BNC2: variants seen among roughly 807,000 people sequenced by gnomAD.
BNC2 encodes basonuclin zinc finger protein 2.
Under a neutral mutation model 76.3 loss-of-function variants are expected in BNC2, and 20 were observed. That is an observed-to-expected ratio of 0.26 (90% CI 0.18 to 0.38). The LOEUF (loss-of-function observed/expected upper bound fraction) is 0.38. Ranked by LOEUF, BNC2 falls within the 10% of genes least tolerant of loss-of-function variation. BNC2 has a pLI of 1.00. For synonymous variants in BNC2, 582 were observed against 514.8 expected (o/e 1.13, Z -1.77); for missense variants, 1,382 against 1,399.8 (o/e 0.99, Z 0.20).
intron 1 of BNC2, among the ~76,000 whole-genome samples, chr9:16,835,341 G>T (rs1381424621): frequency 6.6e-6 from 1 of 152,130 alleles, no homozygotes; most frequent in Middle Eastern, 3.2e-3. Context: ...AACCCCATGA[G>T]TTAGGTACCA....
chr9:16,512,904 G>GT (rs887085842), intron 5 of BNC2, among the ~76,000 whole-genome samples: 1 of 121,074 alleles, frequency 8.3e-6, no homozygotes, highest in African/African-American at 3.5e-5. Flanking sequence ...GGGAGGCTGA[G>GT]GGGGGAAGAT....
intron 1 of BNC2, among the ~76,000 whole-genome samples, chr9:16,823,188 T>C (rs776457749): frequency 1.3e-5 from 2 of 152,212 alleles, no homozygotes; most frequent in Non-Finnish European, 2.9e-5. Flanking sequence ...AAACAAACAG[T>C]ACTCTTATTA....
chr9:16,703,098 C>T (rs1823562482), intron 3 of BNC2, among the ~76,000 whole-genome samples: 1 of 151,996 alleles, frequency 6.6e-6, no homozygotes, highest in Non-Finnish European at 1.5e-5. Flanking sequence ...TGGAGTAATT[C>T]CACTCTTCCC....
intron 1 of BNC2, among the ~76,000 whole-genome samples, chr9:16,796,020 G>A (rs868719994): frequency 1.1e-4 from 17 of 152,242 alleles, no homozygotes; most frequent in African/African-American, 3.6e-4. Context: ...GACAATTTAC[G>A]CAGTCTCAAA....
chr9:16,526,601 A>G (rs1191980625), intron 5 of BNC2, among the ~76,000 whole-genome samples: 1 of 151,014 alleles, frequency 6.6e-6, no homozygotes, highest in Non-Finnish European at 1.5e-5. Flanking sequence ...GTCACTCACT[A>G]AAAGGGTAAA....
At position 16,649,272 on chromosome 9, in the gene BNC2, G is replaced by T. The variant is rs541614340; in HGVS notation, c.331-66187C>A. Among the ~76,000 whole-genome samples the T allele has an allele frequency of 4.6e-5, 7 of 152,286 alleles. No homozygotes were observed. In the South Asian group the frequency reaches 1.5e-3, roughly 32 times the overall value. ...CCACCTGAACCACCCAGTGTTTTGA[G>T]AGGCCAGTGGTCTGCAGCTGACCAA... is the stretch of plus-strand genomic sequence containing the variant. On this transcript the variant is annotated intron_variant, in intron 3 of 6. Coordinates refer to ENST00000380672, the MANE Select transcript of BNC2 (RefSeq NM_017637.6).
chr9:16,624,528 G>A (rs1360380081), intron 3 of BNC2, among the ~76,000 whole-genome samples: 1 of 152,118 alleles, frequency 6.6e-6, no homozygotes, highest in African/African-American at 2.4e-5. Flanking sequence ...GGTCACTTGA[G>A]TCGTCTGCTG....
At position 16,864,991 on chromosome 9, in the gene BNC2, T is replaced by C. The variant is rs115682238; in HGVS notation, c.3+5655A>G. Among the ~76,000 whole-genome samples, 1,113 of 145,760 alleles carry C rather than the reference T, an allele frequency of 7.6e-3. 10 individuals carry two copies. The highest frequency in any genetic ancestry group is 0.026 in the African/African-American group (1,034 of 39,082). Reference sequence around the variant, plus strand: ...TCACAATATTTAAAACAGCTTGCTATACACAGAGGCTTTTGTGTCTGGGTA... The same window carrying C: ...TCACAATATTTAAAACAGCTTGCTACACACAGAGGCTTTTGTGTCTGGGTA... On this transcript the variant is annotated intron_variant, in intron 1 of 6. Transcript: ENST00000380672.
At chr9:16,822,938 G>A (rs1818374249) in intron 1 of BNC2, among the ~76,000 whole-genome samples, 1 of 152,034 alleles carries the variant, frequency 6.6e-6, no homozygotes, top group Non-Finnish European at 1.5e-5. Context: ...ATATTATTTA[G>A]GAAGTGCCCC....
intron 5 of BNC2, among the ~76,000 whole-genome samples, chr9:16,526,913 G>A (rs771935043): frequency 3.9e-5 from 6 of 152,144 alleles, no homozygotes; most frequent in Non-Finnish European, 7.3e-5. Context: ...AGAAATAAAC[G>A]AAAACTGCCA....
chr9:16,817,170 AC>A (rs1352372063), intron 1 of BNC2, among the ~76,000 whole-genome samples: 1 of 152,130 alleles, frequency 6.6e-6, no homozygotes, highest in Admixed American at 6.5e-5. Flanking sequence ...GGTAACAAAC[AC>A]CCTTACTCAG....
intron 5 of BNC2, among the ~76,000 whole-genome samples, chr9:16,495,917 T>C (rs984402077): frequency 4.0e-5 from 6 of 151,880 alleles, no homozygotes; most frequent in African/African-American, 1.4e-4. Flanking sequence ...TTTTCTTTTT[T>C]TTTTTTTTAA....
intron 1 of BNC2, among the ~76,000 whole-genome samples, chr9:16,824,911 A>T (rs760884354): frequency 3.9e-5 from 6 of 152,088 alleles, no homozygotes; most frequent in Non-Finnish European, 7.4e-5. Flanking sequence ...GGAAAAGGAC[A>T]TACGAAGATA....
At chr9:16,673,571 C>T (rs1822548927) in intron 3 of BNC2, among the ~76,000 whole-genome samples, 1 of 152,038 alleles carries the variant, frequency 6.6e-6, no homozygotes, top group African/African-American at 2.4e-5. Context: ...CAGGCCTGTA[C>T]CGAGAAAAAG....
In BNC2 at chr9:16,510,991, C is replaced by G. The variant is rs375598213; in HGVS notation, c.669+41539G>C. On this transcript the variant is annotated intron_variant, in intron 5 of 6. Coordinates refer to ENST00000380672, the MANE Select transcript of BNC2 (RefSeq NM_017637.6). Reference sequence around the variant, plus strand: ...TATACCTGAAGGCTGTCAGGAAACACACATTTGTTCCACAAAAGGCAGAGA... The same window carrying G: ...TATACCTGAAGGCTGTCAGGAAACAGACATTTGTTCCACAAAAGGCAGAGA... 2.0e-5 allele frequency among the ~76,000 whole-genome samples: 3 copies of G among 152,146 alleles called. No homozygotes were observed. The East Asian group carries it at 5.8e-4, about 29-fold the overall frequency.
rs869051853 is a variant in BNC2, at chr9:16,847,401, C to CGGGGGGGGGGG, written c.3+23234_3+23244dup. 3.9e-4 allele frequency among the ~76,000 whole-genome samples: 4 copies of CGGGGGGGGGGG among 10,358 alleles called. 1 individual carries two copies. The highest frequency in any genetic ancestry group is 0.031 in the Middle Eastern group (1 of 32). 6.8% of individuals were successfully genotyped at this position (10,358 alleles called of 152,430 possible). On this transcript the variant is annotated intron_variant, in intron 1 of 6. Transcript: ENST00000380672. ...ACATCTCTCTGAAGATTTCTCGGGG[C>CGGGGGGGGGGG]GGGGGGGGGGGGGCGGCGGGCAACA...
At chr9:16,834,155 G>A (rs911016802) in intron 1 of BNC2, among the ~76,000 whole-genome samples, 6 of 151,184 alleles carry the variant, frequency 4.0e-5, no homozygotes, top group African/African-American at 1.5e-4. Context: ...AATGAAGAGT[G>A]GTCTCAAAGC....
intron 3 of BNC2, among the ~76,000 whole-genome samples, chr9:16,596,397 T>C (rs1485875219): frequency 1.3e-5 from 2 of 151,630 alleles, no homozygotes; most frequent in East Asian, 1.9e-4. Context: ...TATACATTCA[T>C]ATTTTTCTCT....
rs573983004 is a variant in BNC2 at position 16,713,944 on chromosome 9, G to A, written c.330+13853C>T. 6.6e-5 allele frequency among the ~76,000 whole-genome samples: 10 copies of A among 152,228 alleles called. No individual in the cohort carries two copies. In the East Asian group the frequency reaches 1.7e-3, roughly 27 times the overall value. On this transcript the variant is annotated intron_variant, in intron 3 of 6. Coordinates refer to ENST00000380672, the MANE Select transcript of BNC2 (RefSeq NM_017637.6). ...ACAAAAATCACCTAGGCATGGTGGCGTGTATCTATATTCCAGGTACTCCAG... is the reference window on the plus strand; with the variant it reads ...ACAAAAATCACCTAGGCATGGTGGCATGTATCTATATTCCAGGTACTCCAG...
Sources: gnomAD v4.1 joint callset for allele counts (sites outside exome capture counted in the v4.1 genomes callset) on GRCh38, gnomAD v4.1.1 for gene constraint, MANE v1.5 for transcripts, NCBI Gene and HGNC (gene_info 2026-07-23, HGNC 2026-07-21) for gene names.